The following WDR17 variants were observed in gnomAD, a reference collection of about 807,000 sequenced individuals.
WDR17 encodes the protein WD repeat-containing protein 17.
In WDR17, 143 loss-of-function variants were observed where a neutral mutation model predicts 161.7. That is an observed-to-expected ratio of 0.88 (90% CI 0.77 to 1.02). The LOEUF (loss-of-function observed/expected upper bound fraction) is 1.02. WDR17 is among the 50% of genes least tolerant of loss of function. The pLI is 0.00. For synonymous variants in WDR17, 517 were observed against 515.6 expected (o/e 1.00, Z -0.04); for missense variants, 1,469 against 1,520.9 (o/e 0.97, Z 0.57).
chr4:176,105,884 GA>G (rs572370555), intron 1 of WDR17, among the ~76,000 whole-genome samples: 4 of 148,764 alleles, frequency 2.7e-5, no homozygotes, highest in East Asian at 2.0e-4. Flanking sequence ...GTAGAGAATA[GA>G]AAAAAAAATA....
intron 9 of WDR17, among the ~76,000 whole-genome samples, chr4:176,139,610 A>G (rs966972751): frequency 2.0e-4 from 31 of 152,114 alleles, no homozygotes; most frequent in African/African-American, 6.7e-4. Context: ...ATGACTTAAG[A>G]AGGACATTTT....
intron 1 of WDR17, among the ~76,000 whole-genome samples, chr4:176,076,427 C>A (rs1410359281): frequency 7.3e-5 from 4 of 54,954 alleles, no homozygotes; most frequent in Non-Finnish European, 9.0e-5. Context: ...TTTTTTTTGG[C>A]TGCATCTCAG....
intron 7 of WDR17, among the ~76,000 whole-genome samples, chr4:176,134,648 G>A (rs1486485966): frequency 2.0e-5 from 3 of 151,622 alleles, no homozygotes; most frequent in Admixed American, 6.6e-5. Flanking sequence ...TTTGGAGTAC[G>A]TTATTAGTAT....
chr4:176,135,457 G>C (rs1387101840), intron 8 of WDR17, 181 bp downstream of exon 8: 1 of 648,956 alleles, frequency 1.5e-6, no homozygotes, highest in Non-Finnish European at 2.6e-6. Context: ...ATCTGCAGAG[G>C]CACTTTGATT....
At chr4:176,142,674 A>G (rs1363612069) in intron 11 of WDR17, among the ~76,000 whole-genome samples, 1 of 152,236 alleles carries the variant, frequency 6.6e-6, no homozygotes, top group African/African-American at 2.4e-5. Context: ...TTAATGGGAT[A>G]TAAATTATAT....
At chr4:176,119,472 A>G (rs531540652) in intron 3 of WDR17, among the ~76,000 whole-genome samples, 40 of 152,298 alleles carry the variant, frequency 2.6e-4, no homozygotes, top group Non-Finnish European at 5.1e-4. Context: ...CACATTTAAA[A>G]TTCTCTAAAG....
chr4:176,090,403 T>C (rs1735975215), intron 1 of WDR17, among the ~76,000 whole-genome samples: 1 of 152,128 alleles, frequency 6.6e-6, no homozygotes, highest in Non-Finnish European at 1.5e-5. Flanking sequence ...AATTCTGGTG[T>C]CATGCTTCCT....
intron 5 of WDR17, among the ~76,000 whole-genome samples, chr4:176,126,752 G>A (rs1179451896): frequency 6.6e-6 from 1 of 152,098 alleles, no homozygotes; most frequent in Non-Finnish European, 1.5e-5. Flanking sequence ...AACTGTCAAG[G>A]CCGGACCCAG....
At chr4:176,107,738 AT>A (rs896239063) in intron 1 of WDR17, among the ~76,000 whole-genome samples, 17 of 151,990 alleles carry the variant, frequency 1.1e-4, no homozygotes, top group African/African-American at 4.1e-4. Context: ...TTCTCCCTAT[AT>A]TTGGGATGTT....
At chr4:176,071,653 A>G (rs980741838) in intron 1 of WDR17, among the ~76,000 whole-genome samples, 3 of 152,172 alleles carry the variant, frequency 2.0e-5, no homozygotes, top group African/African-American at 7.2e-5. Flanking sequence ...CTCTCTCAGA[A>G]TGGTCACAAT....
chr4:176,161,045 T>A (rs1410121747), intron 20 of WDR17, 43 bp downstream of exon 20: 1 of 1,525,174 alleles, frequency 6.6e-7, no homozygotes, highest in African/African-American at 1.4e-5. Flanking sequence ...TTTATGGTTG[T>A]CTTCCCTTTA....
intron 9 of WDR17, among the ~76,000 whole-genome samples, chr4:176,138,341 G>T (rs1291263672): frequency 6.6e-6 from 1 of 151,636 alleles, no homozygotes; most frequent in Non-Finnish European, 1.5e-5. Context: ...TTTATACAGA[G>T]AGTATTATCC....
At chr4:176,137,926 T>C (rs1579157713) in intron 9 of WDR17, among the ~76,000 whole-genome samples, 1 of 151,738 alleles carries the variant, frequency 6.6e-6, no homozygotes, top group East Asian at 1.9e-4. Context: ...GGTTCTGTTA[T>C]TAATTAGCTC....
At position 176,128,726 on chromosome 4, in the gene WDR17, T is replaced by G; in HGVS notation, c.791-12T>G. 6.3e-7 allele frequency: 1 copy of G among 1,593,430 alleles called. No homozygotes were observed. Among genetic ancestry groups the G allele is most frequent in the Non-Finnish European group, 8.5e-7 (1 of 1,174,428 alleles). On this transcript the variant is annotated splice_polypyrimidine_tract_variant and intron_variant, in intron 5 of 28. Coordinates refer to ENST00000508596, the MANE Select transcript of WDR17 (RefSeq NM_181265.4). ...AACTTGTTAAAATGTGCTTTTTCCC[T>G]GATCTGACTAGATTCTCAAGTGGGT...
At chr4:176,077,091 T>A (rs1434116576) in intron 1 of WDR17, among the ~76,000 whole-genome samples, 1 of 151,930 alleles carries the variant, frequency 6.6e-6, no homozygotes, top group Non-Finnish European at 1.5e-5. Flanking sequence ...ACCTATAATA[T>A]ATTGCTGAAG....
chr4:176,074,176 C>G (rs2126560446), intron 1 of WDR17, among the ~76,000 whole-genome samples: 1 of 151,492 alleles, frequency 6.6e-6, no homozygotes, highest in Non-Finnish European at 1.5e-5. Flanking sequence ...AGTCCTTGCC[C>G]ATGCCTATGT....
rs745831328 is a variant in WDR17 at position 176,179,534 on chromosome 4, T to C, written c.3807T>C (p.Asn1269=). Residue 1269 remains asparagine, a synonymous_variant, in exon 29 of 29, where the codon AAT becomes AAC. Coordinates refer to ENST00000508596, the MANE Select transcript of WDR17 (RefSeq NM_181265.4). The part of the protein sequence containing the change: ...LNDALMWAKV[N]PFSPLGTGIR... ...ATGCTTTGATGTGGGCAAAGGTGAA[T>C]CCATTCTCACCTTTAGGGACTGGAA... The C allele has an allele frequency of 6.2e-7, 1 of 1,605,630 alleles. No individual in the cohort carries two copies. The highest frequency in any genetic ancestry group is 8.5e-7 in the Non-Finnish European group (1 of 1,175,330).
chr4:176,178,854 T>G (rs1384050695), intron 28 of WDR17, among the ~76,000 whole-genome samples: 2 of 152,222 alleles, frequency 1.3e-5, no homozygotes, highest in Non-Finnish European at 2.9e-5. Flanking sequence ...CTTTTCCTTA[T>G]CAGAGCTAGG....
At chr4:176,135,051 C>G (rs1038742228) in intron 7 of WDR17, 57 bp from the exon 8 acceptor site, 42 of 1,527,908 alleles carry the variant, frequency 2.7e-5, no homozygotes, top group Admixed American at 3.5e-5. Context: ...TGTGGTTCAT[C>G]TATTAATAAT....
Sources: gnomAD v4.1 joint callset for allele counts (sites outside exome capture counted in the v4.1 genomes callset) on GRCh38, gnomAD v4.1.1 for gene constraint, MANE v1.5 for transcripts, NCBI Gene and HGNC (gene_info 2026-07-23, HGNC 2026-07-21) for gene names.